Variants in HSPBP1 observed in about 807,000 individuals in gnomAD.
The protein encoded by HSPBP1 is hsp70-binding protein 1.
In HSPBP1, 31 loss-of-function variants were observed where a neutral mutation model predicts 41.7. The observed-to-expected ratio is 0.74, with a 90% CI of 0.56 to 1.00. The LOEUF is 1.00. Among genes scored for constraint, HSPBP1 ranks in the 50% least tolerant of loss-of-function variants. The pLI, the probability that HSPBP1 is intolerant of heterozygous loss-of-function variation, is 0.00. For synonymous variants in HSPBP1, 199 were observed against 214.4 expected, an observed-to-expected ratio of 0.93 and a Z score of 0.63; for missense variants, 439 against 487.9, an observed-to-expected ratio of 0.90 and a Z score of 0.94.
rs903756842 is a variant in HSPBP1, at chr19:55,269,067, G to T, written c.641-2781C>A. Among the ~76,000 whole-genome samples, 5 of 152,270 alleles carry T rather than the reference G, an allele frequency of 3.3e-5. No individual in the cohort carries two copies. In the East Asian group the frequency reaches 9.6e-4, roughly 29 times the overall value. On this transcript the variant is annotated intron_variant, in intron 4 of 7. Coordinates refer to ENST00000433386, the MANE Select transcript of HSPBP1 (RefSeq NM_012267.5). ...TTCAATCTGTAAGCAAGGCCTGTCA[G>T]CTCTACCTTCAAAATGTACCCAGGA... is the stretch of plus-strand genomic sequence containing the variant.
chr19:55,266,328 C>T (rs989572412), intron 4 of HSPBP1, 42 bp from the exon 5 acceptor site: 7 of 1,529,858 alleles, frequency 4.6e-6, no homozygotes, highest in Admixed American at 2.0e-5. Context: ...GTCACCACCA[C>T]CACCACTGTC....
chr19:55,272,314 C>T lies in HSPBP1; in HGVS notation c.640+2084G>A, dbSNP rs530260369. On this transcript the variant is annotated intron_variant, in intron 4 of 7. Coordinates refer to ENST00000433386, the MANE Select transcript of HSPBP1 (RefSeq NM_012267.5). The surrounding 1 kb of genome is among the most constrained non-coding windows in gnomAD (Gnocchi z 4.2). ...CCACGCAACAGGACACATTCAGCCG[C>T]GGGAAGGAACACAGCACTGCCACCC... is the stretch of plus-strand genomic sequence containing the variant. Among the ~76,000 whole-genome samples the T allele has an allele frequency of 5.2e-3, 795 of 152,184 alleles. 4 individuals carry two copies. Among genetic ancestry groups the T allele is most frequent in the Non-Finnish European group, 7.8e-3 (528 of 68,018 alleles).
intron 4 of HSPBP1, among the ~76,000 whole-genome samples, chr19:55,266,574 C>T (rs1316423961): frequency 2.0e-5 from 3 of 150,392 alleles, no homozygotes; most frequent in Non-Finnish European, 4.4e-5. Context: ...CTATCACCAT[C>T]ACTATCACCA....
At position 55,266,306 on chromosome 19, in the gene HSPBP1, C is replaced by T; in HGVS notation, c.641-20G>A. 6.4e-7 allele frequency: 1 copy of T among 1,552,412 alleles called. No individual in the cohort carries two copies. Among genetic ancestry groups the T allele is most frequent in the South Asian group, 1.2e-5 (1 of 84,296 alleles). On this transcript the variant is annotated intron_variant, in intron 4 of 7. Coordinates refer to ENST00000433386, the MANE Select transcript of HSPBP1 (RefSeq NM_012267.5). ...CCAGACCTGGGAGAGGGGGAAAGGTCCTGAGCTTGCAGTCACCACCACCAC... is the reference window on the plus strand; with the variant it reads ...CCAGACCTGGGAGAGGGGGAAAGGTTCTGAGCTTGCAGTCACCACCACCAC...
At position 55,269,021 on chromosome 19, in the gene HSPBP1, A is replaced by C. The variant is rs184888783; in HGVS notation, c.641-2735T>G. Among the ~76,000 whole-genome samples, 91 of 152,282 alleles carry C rather than the reference A, an allele frequency of 6.0e-4. 1 individual carries two copies. In the East Asian group the frequency reaches 0.017, roughly 28 times the overall value. On this transcript the variant is annotated intron_variant, in intron 4 of 7. Transcript: ENST00000433386. ...AAAAGAACAGGCATGCATGGACTGG[A>C]AAACACAAAGACTCCTCTCATTCAA...
rs182532417 is a variant in HSPBP1, at chr19:55,263,935, T to C, written c.1006-1253A>G. Among the ~76,000 whole-genome samples the C allele has an allele frequency of 1.6e-3, 243 of 152,076 alleles. 1 individual carries two copies. Among genetic ancestry groups the C allele is most frequent in the Middle Eastern group, 6.8e-3 (2 of 294 alleles). On this transcript the variant is annotated intron_variant, in intron 7 of 7. Transcript: ENST00000433386. The stretch of plus-strand genomic sequence containing the variant: ...TCTAATTTGAATGTTTCCACGGGTG[T>C]ATACATAAGTCAAAACTTCTCATGT...
At chr19:55,275,092 C>T (rs959134638) in intron 3 of HSPBP1, among the ~76,000 whole-genome samples, 9 of 152,344 alleles carry the variant, frequency 5.9e-5, no homozygotes, top group East Asian at 1.9e-4. Flanking sequence ...ACGCAGCTCT[C>T]TCCAAACACC....
At position 55,270,321 on chromosome 19, in the gene HSPBP1, G is replaced by C. The variant is rs8105032; in HGVS notation, c.641-4035C>G. Among the ~76,000 whole-genome samples, 52,692 of 152,104 alleles carry C rather than the reference G, an allele frequency of 0.35. 9,656 individuals carry two copies. The highest frequency in any genetic ancestry group is 0.44 in the African/African-American group (18,286 of 41,476). ...GCCAGCAAAACTCTGCTAGCCCCGGGGCGAGCCATGGTGGAAGCCCATCTC... is the reference window on the plus strand; with the variant it reads ...GCCAGCAAAACTCTGCTAGCCCCGGCGCGAGCCATGGTGGAAGCCCATCTC... On this transcript the variant is annotated intron_variant, in intron 4 of 7. Transcript: ENST00000433386. This position sits in a 1 kb window ranked among gnomAD's most constrained non-coding sequence, Gnocchi z 5.4.
chr19:55,273,922 G>GAAA (rs11408703), intron 4 of HSPBP1, among the ~76,000 whole-genome samples: 2 of 147,962 alleles, frequency 1.4e-5, no homozygotes, highest in Non-Finnish European at 1.5e-5. Flanking sequence ...TAGGTTAAAT[G>GAAA]AAAAAAAAAA....
chr19:55,265,488 G>T, intron 6 of HSPBP1, 99 bp from the exon 7 acceptor site: 1 of 920,616 alleles, frequency 1.1e-6, no homozygotes, highest in Non-Finnish European at 1.8e-6. Context: ...TCAGGAGCCT[G>T]GCAAGTCGCT....
intron 4 of HSPBP1, among the ~76,000 whole-genome samples, chr19:55,266,491 C>G: frequency 7.4e-6 from 1 of 135,316 alleles, no homozygotes; most frequent in Non-Finnish European, 1.6e-5. Context: ...CCACCACCAC[C>G]ATCACTATCA....
Position 55,279,595 on chromosome 19 carries a change from C to T in HSPBP1, c.14G>A (p.Gly5Asp). 1 of 1,591,882 alleles carries T rather than the reference C, an allele frequency of 6.3e-7. No homozygotes were observed. Among genetic ancestry groups the T allele is most frequent in the East Asian group, 2.3e-5 (1 of 43,784 alleles). MSDEGSRGSRLPLAL... is the reference protein window; with the variant it reads MSDEDSRGSRLPLAL... ...CAGGGGCAGGCGGCTCCCCCTTGAG[C>T]CTTCGTCTGACATGGGCCGTTTGTG... is the stretch of plus-strand genomic sequence containing the variant. The change falls in exon 2 of 8, where the codon GGC becomes GAC. Residue 5 changes from glycine to aspartate, a missense_variant. Physicochemically the swap from Gly to Asp is moderately conservative, Grantham distance 94. Coordinates refer to ENST00000433386, the MANE Select transcript of HSPBP1 (RefSeq NM_012267.5).
At chr19:55,271,025 TCA>T (rs1425778683) in intron 4 of HSPBP1, among the ~76,000 whole-genome samples, 1 of 147,240 alleles carries the variant, frequency 6.8e-6, no homozygotes, top group South Asian at 2.2e-4. Context: ...CACACACACA[TCA>T]CACACACACC....
chr19:55,266,505 T>A (rs1040473685), intron 4 of HSPBP1, among the ~76,000 whole-genome samples: 1 of 15,648 alleles, frequency 6.4e-5, no homozygotes, highest in Non-Finnish European at 1.7e-4. Context: ...ACTATCACCA[T>A]CACCACCACC....
At chr19:55,263,781 G>A (rs2087704521) in intron 7 of HSPBP1, among the ~76,000 whole-genome samples, 1 of 152,172 alleles carries the variant, frequency 6.6e-6, no homozygotes, top group African/African-American at 2.4e-5. Flanking sequence ...AAGGACACCT[G>A]AGCAACTGGG....
At chr19:55,274,345 G>GACCCCCCCCCCCCCCCCCCCCCC in intron 4 of HSPBP1, 53 bp downstream of exon 4, 1 of 552,676 alleles carries the variant, frequency 1.8e-6, no homozygotes. Flanking sequence ...GGCCCACCCG[G>GACCCCCCCCCCCCCCCCCCCCCC]CACCCCCCCC....
chr19:55,265,447 A>C, intron 6 of HSPBP1, 58 bp from the exon 7 acceptor site: 5 of 1,289,056 alleles, frequency 3.9e-6, no homozygotes, highest in Non-Finnish European at 4.5e-6. Context: ...CACTGACCCA[A>C]CCCTATCGCC....
At chr19:55,262,994 C>T (rs1280644163) in intron 7 of HSPBP1, among the ~76,000 whole-genome samples, 3 of 152,124 alleles carry the variant, frequency 2.0e-5, no homozygotes, top group African/African-American at 7.2e-5. Context: ...TCTGCGGATA[C>T]AAACCCCAGA....
intron 7 of HSPBP1, among the ~76,000 whole-genome samples, chr19:55,263,961 A>G (rs1287430662): frequency 6.7e-6 from 1 of 149,590 alleles, no homozygotes; most frequent in Non-Finnish European, 1.5e-5. Flanking sequence ...CTTCTCATGT[A>G]GTACACTTTT....
Sources: allele counts gnomAD v4.1 joint callset (sites outside exome capture counted in the v4.1 genomes callset), GRCh38; gene constraint gnomAD v4.1.1; non-coding constraint Gnocchi (gnomAD v3.1); transcripts MANE v1.5; gene names NCBI Gene and HGNC (gene_info 2026-07-23, HGNC 2026-07-21).